RTEL1: variants seen among roughly 807,000 people sequenced by gnomAD.
RTEL1 encodes regulator of telomere length.
A neutral mutation model predicts 162.2 loss-of-function variants in RTEL1; 86 were observed. The observed-to-expected ratio is 0.53, with a 90% confidence interval of 0.45 to 0.63. The LOEUF (loss-of-function observed/expected upper bound fraction) is 0.63, where lower values mean the gene tolerates loss of function less well. Among genes scored for constraint, RTEL1 ranks in the 30% least tolerant of loss-of-function variants. RTEL1 has a pLI of 0.00. For missense variants in RTEL1, 1,941 were observed against 1,750.2 expected, an observed-to-expected ratio of 1.11 and a Z score of -1.95; for synonymous variants, 958 against 717.9, an observed-to-expected ratio of 1.33 and a Z score of -5.35.
At chr20:63,664,276 C>T (rs148428648) in intron 6 of RTEL1, among the ~76,000 whole-genome samples, 1 of 152,298 alleles carries the variant, frequency 6.6e-6, no homozygotes, top group African/African-American at 2.4e-5. Flanking sequence ...ACCTGGATTT[C>T]CAGGACAGGA....
chr20:63,691,224 C>T (rs2090733853), intron 27 of RTEL1, among the ~76,000 whole-genome samples: 1 of 151,928 alleles, frequency 6.6e-6, no homozygotes, highest in Non-Finnish European at 1.5e-5. Context: ...CAGCTTGGCT[C>T]AGTGCACTCA....
In RTEL1 at chr20:63,668,085, C is replaced by T. The variant is rs565248550; in HGVS notation, c.699+532C>T. On this transcript the variant is annotated intron_variant, in intron 8 of 34. Coordinates refer to ENST00000360203, the MANE Select transcript of RTEL1 (RefSeq NM_001283009.2). The surrounding 1 kb of genome is among the most constrained non-coding windows in gnomAD (Gnocchi z 4.3). ...GTGTGTGCCCAGCCCCACTCCCTTC[C>T]GCCCCGTGTGCCCAGCCCCACGCTC... 8.7e-5 allele frequency among the ~76,000 whole-genome samples: 13 copies of T among 149,748 alleles called. No homozygotes were observed. Among genetic ancestry groups the T allele is most frequent in the South Asian group, 6.4e-4 (3 of 4,684 alleles).
intron 13 of RTEL1, 43 bp downstream of exon 13, chr20:63,679,989 T>C (rs761946977): frequency 3.5e-6 from 5 of 1,435,614 alleles, no homozygotes; most frequent in Non-Finnish European, 4.8e-6. Flanking sequence ...AAATGTGGCG[T>C]AGGGGGTGCA....
intron 5 of RTEL1, 47 bp downstream of exon 5, chr20:63,662,674 G>A (rs760737825): frequency 2.5e-6 from 4 of 1,611,304 alleles, no homozygotes; most frequent in Non-Finnish European, 3.4e-6. Flanking sequence ...ACAGGCGAGT[G>A]CTGCTGGGTG....
At chr20:63,662,678 C>T in intron 5 of RTEL1, 51 bp downstream of exon 5, 3 of 1,610,182 alleles carry the variant, frequency 1.9e-6, no homozygotes, top group Non-Finnish European at 2.5e-6. Context: ...GCGAGTGCTG[C>T]TGGGTGTCCA....
chr20:63,683,635 C>T (rs554114802), intron 14 of RTEL1, among the ~76,000 whole-genome samples: 5 of 152,324 alleles, frequency 3.3e-5, no homozygotes, highest in East Asian at 1.9e-4. Flanking sequence ...ATGATTCCGG[C>T]TTCTTGGTGT....
chr20:63,681,328 G>T (rs928338647), intron 14 of RTEL1: 42 of 985,382 alleles, frequency 4.3e-5, no homozygotes, highest in Middle Eastern at 5.2e-4. Context: ...CATTTTGGGT[G>T]CTCTGGGCAC....
chr20:63,661,578 G>A lies in RTEL1; in HGVS notation c.301+82G>A. 7.4e-7 allele frequency: 1 copy of A among 1,356,974 alleles called. No individual in the cohort carries two copies. The highest frequency in any genetic ancestry group is 1.3e-5 in the South Asian group (1 of 78,276). The allele number at this position is 1,356,974 out of a possible 1,614,324, so 84.1% of individuals were successfully genotyped here. A position where few individuals can be genotyped will look rare whatever the true frequency, so the allele number is the denominator to read the frequency against. On this transcript the variant is annotated intron_variant, in intron 3 of 34. Coordinates refer to ENST00000360203, the MANE Select transcript of RTEL1 (RefSeq NM_001283009.2). The surrounding 1 kb of genome is among the most constrained non-coding windows in gnomAD (Gnocchi z 5.1). ...GGCGCTGAGGGTGGGGTGGGCCCATGGGGACTCCTGCCGTCTCTCAAGCAG... is the reference window on the plus strand; with the variant it reads ...GGCGCTGAGGGTGGGGTGGGCCCATAGGGACTCCTGCCGTCTCTCAAGCAG...
rs1372684191 is a variant in RTEL1, at chr20:63,693,453, ACCT to A, written c.2992+173_2992+175del. 1.6e-3 allele frequency among the ~76,000 whole-genome samples: 61 copies of A among 37,030 alleles called. 4 individuals carry two copies. The highest frequency in any genetic ancestry group is 0.016 in the East Asian group (24 of 1,462). 24.3% of individuals were successfully genotyped at this position (37,030 alleles called of 152,430 possible). A position where few individuals can be genotyped will look rare whatever the true frequency, so the allele number is the denominator to read the frequency against. ...CTCCACCACCAGCACCAGCAGCACCACCTCCACCTCCACCTCCACCTCCACCTC... is the reference window on the plus strand; with the variant it reads ...CTCCACCACCAGCACCAGCAGCACCACCACCTCCACCTCCACCTCCACCTC... On this transcript the variant is annotated intron_variant, in intron 30 of 34. Coordinates refer to ENST00000360203, the MANE Select transcript of RTEL1 (RefSeq NM_001283009.2).
At chr20:63,693,444 AGCAGCACCACCTCCACCT>A (rs1568719760) in intron 30 of RTEL1, among the ~76,000 whole-genome samples, 161 bp downstream of exon 30, 7 of 126,998 alleles carry the variant, frequency 5.5e-5, no homozygotes, top group Non-Finnish European at 8.4e-5. Flanking sequence ...CACCAGCACC[AGCAGCACCACCTCCACCT>A]CCACCTCCAC....
chr20:63,683,869 T>C (rs1292117535), intron 14 of RTEL1, among the ~76,000 whole-genome samples: 2 of 152,048 alleles, frequency 1.3e-5, no homozygotes, highest in African/African-American at 4.8e-5. Flanking sequence ...CATATACATA[T>C]ACTCTCTGTA....
chr20:63,693,251 G>T lies in RTEL1; in HGVS notation c.2960G>T (p.Arg987Met). The change falls in exon 30 of 35, where the codon AGG (arginine) becomes ATG (methionine). Residue 987 changes from arginine to methionine, a missense_variant. Coordinates refer to ENST00000360203, the MANE Select transcript of RTEL1 (RefSeq NM_001283009.2). ...CGGCCTGAGCACAGCATTCCCCGAA[G>T]GCAGCGGGCACAGCCGGTCCTGGAC... ...GYRPEHSIPRRQRAQPVLDPT... is the reference protein window; with the variant it reads ...GYRPEHSIPRMQRAQPVLDPT... 6.2e-7 allele frequency: 1 copy of T among 1,611,964 alleles called. No homozygotes were observed. Among genetic ancestry groups the T allele is most frequent in the Non-Finnish European group, 8.5e-7 (1 of 1,179,434 alleles).
Position 63,695,414 on chromosome 20 carries a change from G to T in RTEL1, c.3586G>T (p.Gly1196Cys). 1 of 1,561,934 alleles carries T rather than the reference G, an allele frequency of 6.4e-7. No individual in the cohort carries two copies. Among genetic ancestry groups the T allele is most frequent in the South Asian group, 1.2e-5 (1 of 82,346 alleles). Residue 1196 changes from glycine (G) to cysteine (C), a missense_variant, in exon 34 of 35, where the codon GGC (glycine) becomes TGC (cysteine). Transcript: ENST00000360203. ...RQRPAGTVGA[G>C]GEDAGPSQSS... ...GAGGCCAGCAGGGACTGTGGGGGCG[G>T]GCGGTGAGGATGCAGGTCCCAGCCA...
rs777459653 is a variant in RTEL1 at position 63,661,392 on chromosome 20, G to A, written c.197G>A (p.Gly66Asp). The change falls in exon 3 of 35, where the codon GGC becomes GAC. Residue 66 changes from glycine to aspartate, a missense_variant. Physicochemically the swap from Gly to Asp is moderately conservative, Grantham distance 94. Transcript: ENST00000360203. This position sits in a 1 kb window ranked among gnomAD's most constrained non-coding sequence, Gnocchi z 5.1. ...GCCTGGCGAGAACACCTCCGAGACG[G>A]CATCTCTGCCCGCAAGATTGCCGAG... ...TLAWREHLRD[G>D]ISARKIAERA... is the part of the protein sequence containing the mutation. 2 of 1,613,790 alleles carry A rather than the reference G, an allele frequency of 1.2e-6. No individual in the cohort carries two copies. The highest frequency in any genetic ancestry group is 2.7e-5 in the African/African-American group (2 of 74,938).
At chr20:63,663,585 G>A (rs1470183029) in intron 6 of RTEL1, among the ~76,000 whole-genome samples, 1 of 151,898 alleles carries the variant, frequency 6.6e-6, no homozygotes, top group Non-Finnish European at 1.5e-5. Flanking sequence ...GGCTCATCAC[G>A]GGGTCCTAGA....
At position 63,689,868 on chromosome 20, in the gene RTEL1, G is replaced by A. The variant is rs758305761; in HGVS notation, c.2141+3G>A. 1 of 1,606,038 alleles carries A rather than the reference G, an allele frequency of 6.2e-7. No homozygotes were observed. ...GCTGTCTTCCTCTGTGACCACAGGT[G>A]CGTGCAGTCCGGTGGCAGGCGCGGC... On this transcript the variant is annotated splice_donor_region_variant and intron_variant, in intron 24 of 34. Coordinates refer to ENST00000360203, the MANE Select transcript of RTEL1 (RefSeq NM_001283009.2).
Position 63,666,298 on chromosome 20 carries a change from G to A in RTEL1, c.614+219G>A, listed in dbSNP as rs370143011. Among the ~76,000 whole-genome samples, 48 of 152,374 alleles carry A rather than the reference G, an allele frequency of 3.2e-4. No individual in the cohort carries two copies. The South Asian group carries it at 6.0e-3, about 19-fold the overall frequency. On this transcript the variant is annotated intron_variant, in intron 7 of 34. Transcript: ENST00000360203. ...CCCTCAGCCATCCCCGGTGGCCACCGTGGAGTGTGGACGGAGCCCTGCAGG... is the reference window on the plus strand; with the variant it reads ...CCCTCAGCCATCCCCGGTGGCCACCATGGAGTGTGGACGGAGCCCTGCAGG...
rs2090481975 is a variant in RTEL1, at chr20:63,681,757, G to T, written c.1191+1038G>T. ...CCAGGCTCAGCCCTCCCTCCACTGT[G>T]GCCGTCTCTGTGGCCAGTGACGCCA... On this transcript the variant is annotated intron_variant, in intron 14 of 34. Coordinates refer to ENST00000360203, the MANE Select transcript of RTEL1 (RefSeq NM_001283009.2). The T allele has an allele frequency of 1.0e-5, 10 of 985,328 alleles. No homozygotes were observed. In the South Asian group the frequency reaches 3.8e-4, roughly 37 times the overall value. The allele number at this position is 985,328 out of a possible 1,614,324, so 61.0% of individuals were successfully genotyped here.
Position 63,695,961 on chromosome 20 carries a change from A to G in RTEL1, c.*103A>G, listed in dbSNP as rs571601034. The stretch of plus-strand genomic sequence containing the variant: ...CCAACAGAATAGGCCAGCCCATGCC[A>G]GCCGGCTTGGCCCGCTGCAGGCCTC... On this transcript the variant is annotated 3_prime_UTR_variant, in exon 35 of 35. Transcript: ENST00000360203. The G allele has an allele frequency of 2.4e-6, 3 of 1,230,588 alleles. No homozygotes were observed. Among genetic ancestry groups the G allele is most frequent in the Middle Eastern group, 2.7e-4 (1 of 3,640 alleles). 76.2% of individuals were successfully genotyped at this position (1,230,588 alleles called of 1,614,324 possible). A position where few individuals can be genotyped will look rare whatever the true frequency, so the allele number is the denominator to read the frequency against.
Sources: gnomAD v4.1 joint callset for allele counts (sites outside exome capture counted in the v4.1 genomes callset) on GRCh38, gnomAD v4.1.1 for gene constraint, Gnocchi (gnomAD v3.1) non-coding constraint, MANE v1.5 for transcripts, NCBI Gene and HGNC (gene_info 2026-07-23, HGNC 2026-07-21) for gene names.